Variants in GATAD2B observed in about 807,000 individuals in gnomAD.
The protein encoded by GATAD2B is transcriptional repressor p66-beta.
Under a neutral mutation model 64.3 loss-of-function variants are expected in GATAD2B, and 8 were observed. That is an observed-to-expected ratio of 0.12 (90% confidence interval 0.07 to 0.22). The LOEUF (loss-of-function observed/expected upper bound fraction) is 0.22. GATAD2B is among the 10% of genes least tolerant of loss of function. The pLI, the probability that GATAD2B is intolerant of heterozygous loss-of-function variation, is 1.00. For missense variants in GATAD2B, 453 were observed against 752.0 expected (o/e 0.60, Z 4.65); for synonymous variants, 281 against 271.3 (o/e 1.04, Z -0.35).
chr1:153,851,683 A>C (rs1190276118), intron 1 of GATAD2B, among the ~76,000 whole-genome samples: 2 of 152,120 alleles, frequency 1.3e-5, no homozygotes, highest in East Asian at 3.9e-4. Flanking sequence ...TAAAAAACTA[A>C]AATCAAGTTG....
chr1:153,850,184 T>C (rs561134323), intron 1 of GATAD2B, among the ~76,000 whole-genome samples: 1 of 152,230 alleles, frequency 6.6e-6, no homozygotes, highest in Non-Finnish European at 1.5e-5. Flanking sequence ...TTCCGCTGGT[T>C]ACCCCAAGGG....
At chr1:153,898,029 C>G (rs770922559) in intron 1 of GATAD2B, among the ~76,000 whole-genome samples, 2 of 148,114 alleles carry the variant, frequency 1.4e-5, no homozygotes, top group Non-Finnish European at 3.0e-5. Flanking sequence ...CCAGGCCAGG[C>G]ACGGTGGCTA....
chr1:153,876,998 A>G (rs1041043076), intron 1 of GATAD2B, among the ~76,000 whole-genome samples: 4 of 151,860 alleles, frequency 2.6e-5, no homozygotes, highest in Admixed American at 6.6e-5. Context: ...GCCTGGGTGA[A>G]AGGCGAGACT....
chr1:153,901,232 A>G (rs1677762220), intron 1 of GATAD2B, among the ~76,000 whole-genome samples: 1 of 151,220 alleles, frequency 6.6e-6, no homozygotes, highest in Non-Finnish European at 1.5e-5. Flanking sequence ...AAAAAAATTT[A>G]TATGTTTGTA....
intron 1 of GATAD2B, among the ~76,000 whole-genome samples, chr1:153,876,256 A>AAAAAAAAAAAAAAAAAC: frequency 7.1e-6 from 1 of 141,274 alleles, no homozygotes; most frequent in Non-Finnish European, 1.5e-5. Context: ...AAAAAAAAAA[A>AAAAAAAAAAAAAAAAAC]AAAAGATTTC....
chr1:153,919,788 T>C (rs1678373206), intron 1 of GATAD2B, among the ~76,000 whole-genome samples: 1 of 152,222 alleles, frequency 6.6e-6, no homozygotes, highest in Non-Finnish European at 1.5e-5. Flanking sequence ...ACAGTCAATC[T>C]GGGTGTGTGT....
chr1:153,848,211 A>C (rs1408389969), intron 1 of GATAD2B, among the ~76,000 whole-genome samples: 1 of 152,028 alleles, frequency 6.6e-6, no homozygotes, highest in Non-Finnish European at 1.5e-5. Flanking sequence ...TCTACAGCAA[A>C]ATTCCTCAAG....
intron 1 of GATAD2B, among the ~76,000 whole-genome samples, chr1:153,917,216 G>A (rs982339454): frequency 2.0e-5 from 3 of 148,190 alleles, no homozygotes; most frequent in African/African-American, 7.5e-5. Context: ...CTCTGCCTCA[G>A]CCTCCCGAGT....
Position 153,901,846 on chromosome 1 carries a change from A to G in GATAD2B, c.-2+20887T>C, listed in dbSNP as rs1319180274. Among the ~76,000 whole-genome samples, 3 of 150,586 alleles carry G rather than the reference A, an allele frequency of 2.0e-5. No individual in the cohort carries two copies. In the East Asian group the frequency reaches 5.8e-4, roughly 29 times the overall value. ...CTAAAAATAAATAAATAAATAAATA[A>G]ATAAATAAATTAAATAAAATGGCCC... is the stretch of plus-strand genomic sequence containing the variant. On this transcript the variant is annotated intron_variant, in intron 1 of 10. Transcript: ENST00000368655.
chr1:153,817,420 A>G lies in GATAD2B; in HGVS notation c.852T>C (p.Leu284=), dbSNP rs149608942. 192 of 1,609,844 alleles carry G rather than the reference A, an allele frequency of 1.2e-4. 1 individual carries two copies. The African/African-American group carries it at 2.1e-3, about 18-fold the overall frequency. ...QGQRGPPKPG[L]VRTTTPNMNP... is the part of the protein sequence containing the mutation. The stretch of plus-strand genomic sequence containing the variant: ...TCATGTTGGGTGTTGTGGTGCGTAC[A>G]AGGCCAGGCTTAGGCGGGCCCCGCT... The change falls in exon 6 of 11, where the codon CTT becomes CTC. Residue 284 remains leucine, a synonymous_variant. Transcript: ENST00000368655.
intron 2 of GATAD2B, among the ~76,000 whole-genome samples, chr1:153,820,228 T>A (rs1464065858): frequency 6.6e-6 from 1 of 152,120 alleles, no homozygotes; most frequent in African/African-American, 2.4e-5. Flanking sequence ...CAGAAAAGGA[T>A]TAAACCTCCA....
chr1:153,863,871 G>A (rs1317678050), intron 1 of GATAD2B, among the ~76,000 whole-genome samples: 1 of 152,048 alleles, frequency 6.6e-6, no homozygotes, highest in Non-Finnish European at 1.5e-5. Context: ...TGATCCACCT[G>A]CCTCGATCTC....
At chr1:153,842,954 CTTT>C (rs11424016) in intron 1 of GATAD2B, among the ~76,000 whole-genome samples, 1 of 117,462 alleles carries the variant, frequency 8.5e-6, no homozygotes. Context: ...CTCGCCCAGC[CTTT>C]TTTTTTTTTT....
chr1:153,811,612 G>C, intron 10 of GATAD2B, 119 bp downstream of exon 10: 1 of 747,240 alleles, frequency 1.3e-6, no homozygotes, highest in Admixed American at 2.2e-5. Context: ...GAGTGAGAGT[G>C]TATGCCCTAA....
Position 153,888,942 on chromosome 1 carries a change from C to T in GATAD2B, c.-2+33791G>A, listed in dbSNP as rs1049369991. Among the ~76,000 whole-genome samples the T allele has an allele frequency of 2.0e-5, 3 of 152,096 alleles. No homozygotes were observed. The South Asian group carries it at 6.2e-4, about 32-fold the overall frequency. ...ATGCAAAAAAGAAAAAAATATATAG[C>T]TACCCTCTATATAGTGACGTTCTAC... On this transcript the variant is annotated intron_variant, in intron 1 of 10. Transcript: ENST00000368655.
chr1:153,821,242 C>G (rs1674674375), intron 2 of GATAD2B, among the ~76,000 whole-genome samples: 1 of 151,742 alleles, frequency 6.6e-6, no homozygotes, highest in African/African-American at 2.4e-5. Context: ...CCTCAGCCAC[C>G]CAAAGTGTTG....
intron 1 of GATAD2B, among the ~76,000 whole-genome samples, chr1:153,846,310 G>A (rs1675687188): frequency 6.6e-6 from 1 of 152,066 alleles, no homozygotes; most frequent in African/African-American, 2.4e-5. Flanking sequence ...CTGACTCACT[G>A]CAACCTCTGC....
chr1:153,818,860 T>C lies in GATAD2B; in HGVS notation c.528A>G (p.Glu176=). The change falls in exon 4 of 11, where the codon GAA becomes GAG. Residue 176 remains glutamate, a synonymous_variant. Coordinates refer to ENST00000368655, the MANE Select transcript of GATAD2B (RefSeq NM_020699.4). Reference sequence around the variant, plus strand: ...TCTTTAACAGGACCAGTCGGGCTTCTTCCAATCGTAGCTCATCCCTCAGCT... The same window carrying C: ...TCTTTAACAGGACCAGTCGGGCTTCCTCCAATCGTAGCTCATCCCTCAGCT... ...IKQLRDELRL[E]EARLVLLKKL... is the part of the protein sequence containing the mutation. 7 of 1,613,576 alleles carry C rather than the reference T, an allele frequency of 4.3e-6. No homozygotes were observed. The highest frequency in any genetic ancestry group is 5.9e-6 in the Non-Finnish European group (7 of 1,179,916).
intron 1 of GATAD2B, among the ~76,000 whole-genome samples, chr1:153,834,642 G>A (rs145280560): frequency 4.7e-5 from 7 of 150,314 alleles, no homozygotes; most frequent in Admixed American, 6.6e-5. Context: ...TGCCTGCCTC[G>A]GCTTCCCAAA....
Sources: gnomAD v4.1 joint callset for allele counts (sites outside exome capture counted in the v4.1 genomes callset) on GRCh38, gnomAD v4.1.1 for gene constraint, MANE v1.5 for transcripts, NCBI Gene and HGNC (gene_info 2026-07-23, HGNC 2026-07-21) for gene names.